The following TPP2 variants were observed in gnomAD, a reference collection of about 807,000 sequenced individuals.
TPP2 encodes the protein tripeptidyl peptidase 2.
Under a neutral mutation model 155.9 loss-of-function variants are expected in TPP2, and 34 were observed. The ratio of observed to expected loss-of-function variants is 0.22; its 90% CI spans 0.17 to 0.29. The LOEUF (loss-of-function observed/expected upper bound fraction) is 0.29, where lower values mean the gene tolerates loss of function less well. Ranked by LOEUF, TPP2 falls within the 10% of genes least tolerant of loss-of-function variation. The pLI, the probability that TPP2 is intolerant of heterozygous loss-of-function variation, is 1.00. For synonymous variants in TPP2, 510 were observed against 529.4 expected (o/e 0.96, Z 0.50); for missense variants, 1,028 against 1,522.3 (o/e 0.68, Z 5.40).
chr13:102,601,724 C>G (rs999438343), intron 1 of TPP2, among the ~76,000 whole-genome samples: 1 of 152,186 alleles, frequency 6.6e-6, no homozygotes, highest in Non-Finnish European at 1.5e-5. Flanking sequence ...TCCTTTACTT[C>G]TCCCAAAACA....
chr13:102,640,074 ACTCTGCTATT>A (rs565183531), intron 15 of TPP2, among the ~76,000 whole-genome samples, 186 bp from the exon 16 acceptor site: 1 of 152,036 alleles, frequency 6.6e-6, no homozygotes, highest in Non-Finnish European at 1.5e-5. Context: ...AATCATCTAT[ACTCTGCTATT>A]CAGAGGTTAT....
intron 23 of TPP2, among the ~76,000 whole-genome samples, chr13:102,649,749 G>A (rs1883366538): frequency 1.3e-5 from 2 of 151,908 alleles, no homozygotes; most frequent in African/African-American, 2.4e-5. Context: ...TACCTCCTAC[G>A]GCTAATACAC....
At chr13:102,647,609 G>A (rs768523578) in intron 21 of TPP2, among the ~76,000 whole-genome samples, 24 of 152,270 alleles carry the variant, frequency 1.6e-4, no homozygotes, top group Non-Finnish European at 3.4e-4. Context: ...CTTTTGGTGT[G>A]TGGTGTTTCT....
chr13:102,632,860 TG>T (rs1043733061), intron 10 of TPP2, among the ~76,000 whole-genome samples: 1 of 152,218 alleles, frequency 6.6e-6, no homozygotes, highest in African/African-American at 2.4e-5. Context: ...GTAGCCTACT[TG>T]TTATTCAGTA....
intron 17 of TPP2, 64 bp from the exon 18 acceptor site, chr13:102,644,493 A>G (rs1882972560): frequency 1.4e-6 from 2 of 1,382,992 alleles, no homozygotes; most frequent in East Asian, 2.5e-5. Flanking sequence ...AACAGCTAGT[A>G]TTTATATTCT....
rs1387262802 is a variant in TPP2, at chr13:102,679,196, A to T, written c.*880A>T. 6.6e-6 allele frequency: 1 copy of T among 152,586 alleles called. No homozygotes were observed. The highest frequency in any genetic ancestry group is 2.4e-5 in the African/African-American group (1 of 41,448). The allele number at this position is 152,586 out of a possible 1,614,324, so 9.5% of individuals were successfully genotyped here. ...TAAAGTTGGTCTTAATTTTTCATAA[A>T]TAAAATTTGGGGTTATAACAGAAAT... is the stretch of plus-strand genomic sequence containing the variant. On this transcript the variant is annotated 3_prime_UTR_variant, in exon 30 of 30. Coordinates refer to ENST00000376052, the MANE Select transcript of TPP2 (RefSeq NM_001330588.2).
intron 16 of TPP2, among the ~76,000 whole-genome samples, chr13:102,640,862 G>A (rs1289309125): frequency 6.6e-6 from 1 of 151,934 alleles, no homozygotes; most frequent in African/African-American, 2.4e-5. Context: ...ATGTTGGCTA[G>A]GATGGTCTCG....
At chr13:102,661,682 A>G (rs1595207251) in intron 25 of TPP2, among the ~76,000 whole-genome samples, 1 of 152,200 alleles carries the variant, frequency 6.6e-6, no homozygotes, top group African/African-American at 2.4e-5. Flanking sequence ...AAAATGCTCA[A>G]AATCGTTAGT....
rs1883031473 is a variant in TPP2 at position 102,645,303 on chromosome 13, C to G, written c.2393+294C>G. The stretch of plus-strand genomic sequence containing the variant: ...GTAAAATAGCAAGTTAACATTCTCT[C>G]TGATATTATTTTGTGAATCCTAATG... On this transcript the variant is annotated intron_variant, in intron 19 of 29. Coordinates refer to ENST00000376052, the MANE Select transcript of TPP2 (RefSeq NM_001330588.2). Among the ~76,000 whole-genome samples, 24 of 152,208 alleles carry G rather than the reference C, an allele frequency of 1.6e-4. 1 individual carries two copies. Among genetic ancestry groups the G allele is most frequent in the Admixed American group, 1.6e-3 (24 of 15,280 alleles).
At chr13:102,618,506 A>G (rs1880915547) in intron 4 of TPP2, among the ~76,000 whole-genome samples, 1 of 152,214 alleles carries the variant, frequency 6.6e-6, no homozygotes, top group Non-Finnish European at 1.5e-5. Context: ...TGAGTAAAAT[A>G]ACTGTTTTTT....
chr13:102,597,978 CT>C (rs113327947), intron 1 of TPP2, among the ~76,000 whole-genome samples: 14,915 of 145,748 alleles, frequency 0.1, 1,064 homozygotes, highest in African/African-American at 0.21. Flanking sequence ...AAATATGCGA[CT>C]TTTTTTTTTT....
intron 8 of TPP2, among the ~76,000 whole-genome samples, chr13:102,628,708 C>G (rs1203970617): frequency 6.6e-6 from 1 of 152,124 alleles, no homozygotes; most frequent in Non-Finnish European, 1.5e-5. Flanking sequence ...CATCACCAAG[C>G]TATCATCTGG....
At chr13:102,643,596 G>A (rs896420233) in intron 17 of TPP2, among the ~76,000 whole-genome samples, 41 of 152,116 alleles carry the variant, frequency 2.7e-4, no homozygotes, top group African/African-American at 9.4e-4. Flanking sequence ...GAATAGCATA[G>A]TCAAAGAAAC....
intron 19 of TPP2, 140 bp from the exon 20 acceptor site, chr13:102,646,154 G>T (rs1883085261): frequency 3.7e-6 from 2 of 534,248 alleles, no homozygotes; most frequent in Admixed American, 7.3e-5. Flanking sequence ...AAATATTGTA[G>T]AGTATACTGA....
intron 17 of TPP2, among the ~76,000 whole-genome samples, chr13:102,643,878 G>A (rs963750840): frequency 6.6e-6 from 1 of 152,166 alleles, no homozygotes; most frequent in Admixed American, 6.5e-5. Flanking sequence ...TGAAAGTACT[G>A]ATGTTCTTCC....
chr13:102,642,319 C>T (rs1882820408), intron 16 of TPP2, among the ~76,000 whole-genome samples: 1 of 152,010 alleles, frequency 6.6e-6, no homozygotes, highest in Non-Finnish European at 1.5e-5. Flanking sequence ...AAAATGTGCA[C>T]TGGTAAATTA....
At chr13:102,627,321 T>A (rs1201171933) in intron 7 of TPP2, among the ~76,000 whole-genome samples, 155 bp downstream of exon 7, 2 of 152,100 alleles carry the variant, frequency 1.3e-5, no homozygotes, top group Non-Finnish European at 2.9e-5. Context: ...AATTTATTTT[T>A]AAATTATTTT....
rs1199500690 is a variant in TPP2, at chr13:102,679,840, C to T, written c.*1524C>T. 6.6e-6 allele frequency: 1 copy of T among 152,222 alleles called. No individual in the cohort carries two copies. The highest frequency in any genetic ancestry group is 1.5e-5 in the Non-Finnish European group (1 of 68,034). 9.4% of individuals were successfully genotyped at this position (152,222 alleles called of 1,614,324 possible). On this transcript the variant is annotated 3_prime_UTR_variant, in exon 30 of 30. Coordinates refer to ENST00000376052, the MANE Select transcript of TPP2 (RefSeq NM_001330588.2). ...GAAATTAATTACAGACCTTGCTTTACAACCCAGGTTTTGCTATTTCAGGTA... is the reference window on the plus strand; with the variant it reads ...GAAATTAATTACAGACCTTGCTTTATAACCCAGGTTTTGCTATTTCAGGTA...
chr13:102,679,106 C>T lies in TPP2; in HGVS notation c.*790C>T, dbSNP rs1885476899. On this transcript the variant is annotated 3_prime_UTR_variant, in exon 30 of 30. Coordinates refer to ENST00000376052, the MANE Select transcript of TPP2 (RefSeq NM_001330588.2). Reference sequence around the variant, plus strand: ...AATTTGCAAAACCAAGATCACAGTACACCATATGCACTCTGGTACCTTAAT... The same window carrying T: ...AATTTGCAAAACCAAGATCACAGTATACCATATGCACTCTGGTACCTTAAT... 6.6e-6 allele frequency: 1 copy of T among 152,470 alleles called. No individual in the cohort carries two copies. Among genetic ancestry groups the T allele is most frequent in the South Asian group, 2.1e-4 (1 of 4,826 alleles). 9.4% of individuals were successfully genotyped at this position (152,470 alleles called of 1,614,324 possible).
Sources: gnomAD v4.1 joint callset for allele counts (sites outside exome capture counted in the v4.1 genomes callset) on GRCh38, gnomAD v4.1.1 for gene constraint, MANE v1.5 for transcripts, NCBI Gene and HGNC (gene_info 2026-07-23, HGNC 2026-07-21) for gene names.